ELF2: variants seen among roughly 807,000 people sequenced by gnomAD.
ELF2 encodes ETS-related transcription factor Elf-2.
A neutral mutation model predicts 54.8 loss-of-function variants in ELF2; 11 were observed. The ratio of observed to expected loss-of-function variants is 0.20; its 90% CI spans 0.13 to 0.33. The LOEUF (loss-of-function observed/expected upper bound fraction) is 0.33. Among genes scored for constraint, ELF2 ranks in the 10% least tolerant of loss-of-function variants. The pLI is 1.00. For missense variants in ELF2, 513 were observed against 703.0 expected, an observed-to-expected ratio of 0.73 and a Z score of 3.06; for synonymous variants, 203 against 245.1, an observed-to-expected ratio of 0.83 and a Z score of 1.61.
chr4:139,100,501 G>T (rs1733774569), intron 4 of ELF2: 1 of 152,158 alleles, frequency 6.6e-6, no homozygotes, highest in Non-Finnish European at 1.5e-5. Context: ...ACTAAGTTCG[G>T]CATAAACGTG....
chr4:139,077,684 A>G (rs1730507574), intron 4 of ELF2, among the ~76,000 whole-genome samples: 1 of 152,218 alleles, frequency 6.6e-6, no homozygotes, highest in African/African-American at 2.4e-5. Flanking sequence ...GTTCAGATCA[A>G]TAATTCAAAT....
rs375350257 is a variant in ELF2, at chr4:139,058,980, A to G, written c.*3T>C. On this transcript the variant is annotated 3_prime_UTR_variant, in exon 10 of 10. Transcript: ENST00000686138. ...GCCTGAAGTCCATGGTGGAGCTGCT[A>G]TTTTATTTCTCACATGTCACTAGTC... 113 of 1,598,900 alleles carry G rather than the reference A, an allele frequency of 7.1e-5. No individual in the cohort carries two copies. Among genetic ancestry groups the G allele is most frequent in the South Asian group, 2.7e-4 (24 of 88,962 alleles).
Position 139,071,995 on chromosome 4 carries a change from G to T in ELF2, c.397C>A (p.His133Asn), listed in dbSNP as rs749662332. ...ATGACATCTGGCCTCATAGCAGCAT[G>T]GATGAATTCTGGAGTTGATACACAA... Reference protein sequence around the residue: ...PPCVSTPEFIHAAMRPDVITE... With the variant: ...PPCVSTPEFINAAMRPDVITE... The change falls in exon 6 of 10, where the codon CAT becomes AAT. Residue 133 changes from histidine to asparagine, a missense_variant. Physicochemically the swap from His to Asn is moderately conservative, Grantham distance 68 (BLOSUM62 1). Around this residue, in one of 3 missense-constraint regions of ELF2, gnomAD observed 203 missense variants for 245.9 expected, o/e 0.83. Coordinates refer to ENST00000686138, the MANE Select transcript of ELF2 (RefSeq NM_001331036.3). 6.2e-7 allele frequency: 1 copy of T among 1,612,432 alleles called. No homozygotes were observed. The highest frequency in any genetic ancestry group is 2.2e-5 in the East Asian group (1 of 44,846).
At chr4:139,114,875 G>A (rs1984682) in intron 4 of ELF2, 465,200 of 1,601,422 alleles carry the variant, frequency 0.29, 67,826 homozygotes, top group African/African-American at 0.37. Flanking sequence ...TTGCTACGAG[G>A]TTGGGGGGCA....
intron 4 of ELF2, among the ~76,000 whole-genome samples, chr4:139,092,569 G>A (rs1732788354): frequency 6.6e-6 from 1 of 152,068 alleles, no homozygotes; most frequent in African/African-American, 2.4e-5. Flanking sequence ...ACCAGCCTGG[G>A]CAACGTGATG....
At chr4:139,171,250 C>G (rs551620463) in intron 1 of ELF2, among the ~76,000 whole-genome samples, 3 of 152,042 alleles carry the variant, frequency 2.0e-5, no homozygotes, top group Non-Finnish European at 4.4e-5. Context: ...AAAAATTAAC[C>G]GGGCATGGTG....
chr4:139,057,672 T>C lies in ELF2; in HGVS notation c.*1311A>G, dbSNP rs373520000. On this transcript the variant is annotated 3_prime_UTR_variant, in exon 10 of 10. Transcript: ENST00000686138. The stretch of plus-strand genomic sequence containing the variant: ...ATTCATTACGTTAAGCAGAACATTA[T>C]AGTTCATCATAATTAGAAAGAAACT... The C allele has an allele frequency of 6.6e-5, 10 of 152,356 alleles. No homozygotes were observed. The East Asian group carries it at 9.6e-4, about 15-fold the overall frequency. The allele number at this position is 152,356 out of a possible 1,614,324, so 9.4% of individuals were successfully genotyped here.
intron 2 of ELF2, among the ~76,000 whole-genome samples, chr4:139,138,146 G>A (rs1028883323): frequency 3.3e-5 from 5 of 152,148 alleles, no homozygotes; most frequent in African/African-American, 7.2e-5. Context: ...TGCCAGGTGC[G>A]GTGGCTCACG....
intron 4 of ELF2, among the ~76,000 whole-genome samples, chr4:139,110,168 G>GA (rs554447896): frequency 1.6e-4 from 25 of 152,080 alleles, no homozygotes; most frequent in African/African-American, 5.3e-4. Context: ...TGTAAAAGAA[G>GA]AAAAAACTAC....
intron 4 of ELF2, among the ~76,000 whole-genome samples, chr4:139,124,879 G>A (rs913087384): frequency 6.6e-6 from 1 of 151,844 alleles, no homozygotes; most frequent in Non-Finnish European, 1.5e-5. Flanking sequence ...TAACAGCTAG[G>A]ATTTATACTC....
chr4:139,071,813 G>T, intron 6 of ELF2, 53 bp downstream of exon 6: 1 of 1,519,960 alleles, frequency 6.6e-7, no homozygotes, highest in Non-Finnish European at 8.8e-7. Flanking sequence ...TGAGGAAAAA[G>T]ATAAGAGAAA....
At chr4:139,082,950 C>A (rs996010749) in intron 4 of ELF2, among the ~76,000 whole-genome samples, 1 of 152,228 alleles carries the variant, frequency 6.6e-6, no homozygotes, top group Non-Finnish European at 1.5e-5. Context: ...GCCGCACATC[C>A]CCCACCCCTG....
intron 1 of ELF2, among the ~76,000 whole-genome samples, chr4:139,156,158 C>A (rs1207513018): frequency 6.6e-6 from 1 of 151,528 alleles, no homozygotes; most frequent in Non-Finnish European, 1.5e-5. Flanking sequence ...TAATTTTATA[C>A]ATATATTCTT....
chr4:139,132,848 A>ATATG (rs1737652611), intron 3 of ELF2, among the ~76,000 whole-genome samples: 1 of 47,160 alleles, frequency 2.1e-5, no homozygotes, highest in Non-Finnish European at 4.7e-5. Flanking sequence ...TTACATATAT[A>ATATG]TATATATATA....
chr4:139,146,979 T>C (rs1459980194), intron 1 of ELF2, among the ~76,000 whole-genome samples: 1 of 152,080 alleles, frequency 6.6e-6, no homozygotes, highest in African/African-American at 2.4e-5. Flanking sequence ...AAAGAATTCA[T>C]GACTAAGACC....
rs774466717 is a variant in ELF2, at chr4:139,071,877, T to G, written c.515A>C (p.Lys172Thr). 4 of 1,582,164 alleles carry G rather than the reference T, an allele frequency of 2.5e-6. No homozygotes were observed. The South Asian group carries it at 4.7e-5, about 19-fold the overall frequency. Residue 172 changes from lysine to threonine, a missense_variant, in exon 6 of 10, where the codon AAA (lysine) becomes ACA (threonine). Lys to Thr is a moderately conservative substitution (Grantham distance 78, BLOSUM62 -1). Transcript: ENST00000686138. ...TAAATATACTCTACCTTTTTTCTTTTTCATTGGTTCATGGCTATCTGGTGA... is the reference window on the plus strand; with the variant it reads ...TAAATATACTCTACCTTTTTTCTTTGTCATTGGTTCATGGCTATCTGGTGA... ...PTSPDSHEPM[K>T]KKKVGRKPKT...
intron 7 of ELF2, among the ~76,000 whole-genome samples, chr4:139,065,786 T>A (rs1728607545): frequency 6.6e-6 from 1 of 152,124 alleles, no homozygotes; most frequent in Admixed American, 6.5e-5. Flanking sequence ...GTGATACCAC[T>A]GAGGATAAGA....
intron 3 of ELF2, among the ~76,000 whole-genome samples, chr4:139,135,076 C>G (rs1043369624): frequency 7.2e-5 from 11 of 151,764 alleles, no homozygotes; most frequent in Admixed American, 2.6e-4. Flanking sequence ...ACAAAGAAAG[C>G]CTAAAAATAG....
intron 4 of ELF2, among the ~76,000 whole-genome samples, chr4:139,111,758 A>G (rs1284908857): frequency 1.3e-5 from 2 of 152,164 alleles, no homozygotes; most frequent in Non-Finnish European, 2.9e-5. Flanking sequence ...GTTAACTCCA[A>G]AAAGAAAGGC....
Sources: allele counts gnomAD v4.1 joint callset (sites outside exome capture counted in the v4.1 genomes callset), GRCh38; gene constraint gnomAD v4.1.1; regional missense constraint gnomAD v4.1.1; transcripts MANE v1.5; gene names NCBI Gene and HGNC (gene_info 2026-07-23, HGNC 2026-07-21).